ARB2A: variants seen among roughly 807,000 people sequenced by gnomAD.
ARB2A encodes the protein cotranscriptional regulator ARB2A.
the ARB2A span, among the ~76,000 whole-genome samples, chr5:93,721,413 T>C: frequency 6.6e-6 from 1 of 152,230 alleles, no homozygotes. Flanking sequence ...GATTGGTGTC[T>C]GTGTGAACTT....
chr5:93,854,668 T>C, the ARB2A span, among the ~76,000 whole-genome samples: 1 of 152,346 alleles, frequency 6.6e-6, no homozygotes, highest in African/African-American at 2.4e-5. Context: ...TTTGTTCTCT[T>C]TGGTTTCAAA....
At chr5:94,043,615 C>A in the ARB2A span, among the ~76,000 whole-genome samples, 2 of 152,172 alleles carry the variant, frequency 1.3e-5, no homozygotes, top group Non-Finnish European at 2.9e-5. Flanking sequence ...GCAGACCTGG[C>A]CTCATACTTT....
At chr5:93,834,503 C>T in the ARB2A span, among the ~76,000 whole-genome samples, 1 of 152,258 alleles carries the variant, frequency 6.6e-6, no homozygotes, top group East Asian at 1.9e-4. Flanking sequence ...TGTGTTACTT[C>T]CCAAGGCTGT....
the ARB2A span, among the ~76,000 whole-genome samples, chr5:93,886,547 G>T: frequency 2.0e-5 from 3 of 151,658 alleles, no homozygotes; most frequent in Non-Finnish European, 4.4e-5. Context: ...GATGTATGTT[G>T]TATTTATTCT....
At chr5:93,852,979 T>C in the ARB2A span, among the ~76,000 whole-genome samples, 1 of 152,178 alleles carries the variant, frequency 6.6e-6, no homozygotes, top group African/African-American at 2.4e-5. Context: ...GTAGTTTTTT[T>C]CCAATTCTGT....
chr5:93,989,096 A>C, the ARB2A span, among the ~76,000 whole-genome samples: 7 of 152,214 alleles, frequency 4.6e-5, no homozygotes, highest in Admixed American at 4.6e-4. Flanking sequence ...AGTATAAGAC[A>C]AGAAATTTTA....
the ARB2A span, among the ~76,000 whole-genome samples, chr5:94,102,902 CA>C: frequency 6.6e-6 from 1 of 152,056 alleles, no homozygotes; most frequent in Non-Finnish European, 1.5e-5. Context: ...CCAAGAATTT[CA>C]TATCTAGCCA....
At chr5:94,061,162 C>T in the ARB2A span, among the ~76,000 whole-genome samples, 3 of 151,932 alleles carry the variant, frequency 2.0e-5, no homozygotes, top group Non-Finnish European at 4.4e-5. Flanking sequence ...GGTGTGAACC[C>T]GGGAGGCAGA....
At chr5:93,869,592 C>G in the ARB2A span, among the ~76,000 whole-genome samples, 2 of 152,160 alleles carry the variant, frequency 1.3e-5, no homozygotes, top group Non-Finnish European at 2.9e-5. Context: ...CTCTATTTAG[C>G]AGATGATGGC....
chr5:93,945,414 C>CAAAAAA, the ARB2A span, among the ~76,000 whole-genome samples: 2 of 59,958 alleles, frequency 3.3e-5, no homozygotes, highest in Admixed American at 1.8e-4. Flanking sequence ...GATTCCATCT[C>CAAAAAA]AAAAAAAAAA....
the ARB2A span, among the ~76,000 whole-genome samples, chr5:93,791,984 G>A: frequency 2.0e-5 from 3 of 152,100 alleles, no homozygotes; most frequent in Non-Finnish European, 2.9e-5. Context: ...TCTGGGAGTT[G>A]AGAAAGAAGA....
the ARB2A span, among the ~76,000 whole-genome samples, chr5:93,751,129 A>T: frequency 1.2e-4 from 18 of 151,348 alleles, no homozygotes; most frequent in Non-Finnish European, 2.4e-4. Flanking sequence ...AGCTTAAGGT[A>T]GGGTGTATGT....
the ARB2A span, among the ~76,000 whole-genome samples, chr5:93,890,952 C>T: frequency 6.6e-6 from 1 of 152,110 alleles, no homozygotes; most frequent in African/African-American, 2.4e-5. Flanking sequence ...ACAACGCTTA[C>T]TGGAAGATTA....
At chr5:93,817,015 G>A in the ARB2A span, among the ~76,000 whole-genome samples, 43 of 150,988 alleles carry the variant, frequency 2.8e-4, no homozygotes, top group Non-Finnish European at 5.9e-4. Context: ...AGATTGAAAA[G>A]GAAGAAGTAA....
At chr5:93,761,520 C>G in the ARB2A span, among the ~76,000 whole-genome samples, 183 of 152,292 alleles carry the variant, frequency 1.2e-3, no homozygotes, top group African/African-American at 4.2e-3. Context: ...AGGGCGCCCA[C>G]CATTGCCCAG....
the ARB2A span, among the ~76,000 whole-genome samples, chr5:94,065,256 G>A: frequency 2.0e-5 from 3 of 152,222 alleles, no homozygotes; most frequent in Non-Finnish European, 4.4e-5. Flanking sequence ...GCTCACGCCT[G>A]TAATCTCAGC....
At chr5:93,852,311 T>C in the ARB2A span, among the ~76,000 whole-genome samples, 1 of 152,224 alleles carries the variant, frequency 6.6e-6, no homozygotes, top group Non-Finnish European at 1.5e-5. Flanking sequence ...GTTTGTTTTT[T>C]TCTTGTAAAT....
At chr5:94,017,437 G>A in the ARB2A span, among the ~76,000 whole-genome samples, 3 of 152,150 alleles carry the variant, frequency 2.0e-5, no homozygotes. Context: ...TAAGATAAAA[G>A]TTTGGATAAG....
chr5:93,920,214 A>G, the ARB2A span, among the ~76,000 whole-genome samples: 26 of 152,150 alleles, frequency 1.7e-4, no homozygotes, highest in Non-Finnish European at 5.9e-5. Context: ...AGTAATAATA[A>G]AGACTAAGTG....
Sources: gnomAD v4.1 joint callset for allele counts (sites outside exome capture counted in the v4.1 genomes callset) on GRCh38, gnomAD v4.1.1 for gene constraint, MANE v1.5 for transcripts, NCBI Gene and HGNC (gene_info 2026-07-23, HGNC 2026-07-21) for gene names.